Variants in BCL11A observed in about 807,000 individuals in gnomAD.
The protein encoded by BCL11A is B cell CLL/lymphoma 11A.
A neutral mutation model predicts 55.9 loss-of-function variants in BCL11A; 2 were observed. The ratio of observed to expected loss-of-function variants is 0.04; its 90% CI spans 0.01 to 0.11. The LOEUF (loss-of-function observed/expected upper bound fraction) is 0.11. Ranked by LOEUF, BCL11A falls within the 10% of genes least tolerant of loss-of-function variation. The pLI is 1.00. For missense variants in BCL11A, 817 were observed against 1,137.1 expected (o/e 0.72, Z 4.05); for synonymous variants, 465 against 473.4 (o/e 0.98, Z 0.23).
intron 2 of BCL11A, among the ~76,000 whole-genome samples, chr2:60,493,674 T>G (rs942951499): frequency 3.3e-5 from 5 of 152,194 alleles, no homozygotes; most frequent in African/African-American, 1.2e-4. Context: ...TGGACTTAGT[T>G]GACCTCCCCC....
intron 2 of BCL11A, among the ~76,000 whole-genome samples, chr2:60,520,430 C>G (rs1668926373): frequency 6.6e-6 from 1 of 152,072 alleles, no homozygotes; most frequent in Non-Finnish European, 1.5e-5. Flanking sequence ...GTCTGAGGAC[C>G]TGAAATCAAG....
chr2:60,461,465 C>A lies in BCL11A; in HGVS notation c.1447G>T (p.Gly483Trp), dbSNP rs761062372. Residue 483 changes from glycine (G) to tryptophan (W), a missense_variant, in exon 4 of 4, where the codon GGG (glycine) becomes TGG (tryptophan). By Grantham distance (184) the Gly-to-Trp change is radical. Coordinates refer to ENST00000642384, the MANE Select transcript of BCL11A (RefSeq NM_022893.4). The part of the protein sequence containing the change: ...ENDPNLIPEN[G>W]DEEEEEDDEE... ...TCGTCCTCCTCTTCCTCCTCGTCCCCGTTCTCCGGGATCAGGTTGGGGTCG... is the reference window on the plus strand; with the variant it reads ...TCGTCCTCCTCTTCCTCCTCGTCCCAGTTCTCCGGGATCAGGTTGGGGTCG... The A allele has an allele frequency of 6.2e-7, 1 of 1,604,486 alleles. No individual in the cohort carries two copies. The highest frequency in any genetic ancestry group is 8.5e-7 in the Non-Finnish European group (1 of 1,179,626).
Position 60,460,069 on chromosome 2 carries a change from A to G in BCL11A, c.*335T>C. On this transcript the variant is annotated 3_prime_UTR_variant, in exon 4 of 4. Transcript: ENST00000642384. ...CTAAGTTTAAAAAAAAACATACACA[A>G]CATGTAAATTATTGCACAAGAGAAA... 1.8e-6 allele frequency: 2 copies of G among 1,098,060 alleles called. No homozygotes were observed. 68.0% of individuals were successfully genotyped at this position (1,098,060 alleles called of 1,614,324 possible).
At chr2:60,504,769 G>C (rs1001411360) in intron 2 of BCL11A, among the ~76,000 whole-genome samples, 2 of 152,118 alleles carry the variant, frequency 1.3e-5, no homozygotes, top group African/African-American at 4.8e-5. Context: ...ATTATATAGA[G>C]AGGTGGAATA....
intron 2 of BCL11A, among the ~76,000 whole-genome samples, chr2:60,473,963 G>C (rs1038659453): frequency 6.6e-6 from 1 of 152,100 alleles, no homozygotes; most frequent in African/African-American, 2.4e-5. Flanking sequence ...AAAAACAAAA[G>C]AAAGCAATAA....
At chr2:60,493,715 T>A (rs1678783663) in intron 2 of BCL11A, among the ~76,000 whole-genome samples, 1 of 152,166 alleles carries the variant, frequency 6.6e-6, no homozygotes, top group South Asian at 2.1e-4. Context: ...AGGAGATGAC[T>A]TCTACCTTGC....
At chr2:60,530,555 C>A (rs1270573014) in intron 2 of BCL11A, among the ~76,000 whole-genome samples, 3 of 151,724 alleles carry the variant, frequency 2.0e-5, no homozygotes, top group African/African-American at 7.3e-5. Flanking sequence ...AAAAGACTGG[C>A]CTCAACTGGT....
chr2:60,488,077 C>G (rs1050243617), intron 2 of BCL11A, among the ~76,000 whole-genome samples: 1 of 152,228 alleles, frequency 6.6e-6, no homozygotes, highest in African/African-American at 2.4e-5. Context: ...GTTTTAAAAA[C>G]ACAGTAACAC....
intron 2 of BCL11A, among the ~76,000 whole-genome samples, chr2:60,498,541 A>C (rs1679087175): frequency 2.0e-5 from 3 of 152,234 alleles, no homozygotes; most frequent in Admixed American, 1.3e-4. Flanking sequence ...TTCCCTTCCT[A>C]GAATTGGCCT....
At chr2:60,452,896 ACCCAGGTCCCCCCACCCCTG>A (rs942086284), downstream of BCL11A, 4 of 462,914 alleles carry the variant, frequency 8.6e-6, no homozygotes, top group Non-Finnish European at 1.2e-5. Flanking sequence ...CCCAAGGAGG[ACCCAGGTCCCCCCACCCCTG>A]CCCAATTGTA....
intron 2 of BCL11A, among the ~76,000 whole-genome samples, chr2:60,495,225 C>T (rs1481153852): frequency 6.6e-6 from 1 of 152,174 alleles, no homozygotes; most frequent in Admixed American, 6.5e-5. Context: ...CCCACCCACG[C>T]CCCCACCCTA....
intron 3 of BCL11A, among the ~76,000 whole-genome samples, chr2:60,466,927 C>T (rs919352704): frequency 3.3e-5 from 5 of 152,168 alleles, no homozygotes; most frequent in African/African-American, 4.8e-5. Context: ...ATGATTCATA[C>T]CATGTGTTCC....
intron 3 of BCL11A, among the ~76,000 whole-genome samples, chr2:60,466,013 C>T (rs559618561): frequency 4.1e-4 from 62 of 152,256 alleles, no homozygotes; most frequent in Middle Eastern, 3.4e-3. Context: ...TTAATGCCGC[C>T]AAGTGGAATG....
At chr2:60,544,895 C>T (rs144727226) in intron 2 of BCL11A, 2 of 152,322 alleles carry the variant, frequency 1.3e-5, no homozygotes, top group African/African-American at 4.8e-5. Flanking sequence ...TACTGTTTAT[C>T]ACTTAGAGAA....
At chr2:60,511,926 T>A (rs6545819) in intron 2 of BCL11A, among the ~76,000 whole-genome samples, 64,499 of 152,024 alleles carry the variant, frequency 0.42, 15,012 homozygotes, top group African/African-American at 0.59. Context: ...GCCCAGGCAC[T>A]CTCACTAAGG....
Position 60,461,305 on chromosome 2 carries a change from A to C in BCL11A, c.1607T>G (p.Val536Gly). Residue 536 changes from valine to glycine, a missense_variant, in exon 4 of 4, where the codon GTG becomes GGG. Coordinates refer to ENST00000642384, the MANE Select transcript of BCL11A (RefSeq NM_022893.4). The stretch of plus-strand genomic sequence containing the variant: ...GGGCAGGGCGCGGCTCTCGTCGCCC[A>C]CGCCCACGACCGCGCCCCGCGAGCT... ...ENSSRGAVVG[V>G]GDESRALPDV... 1 of 1,581,794 alleles carries C rather than the reference A, an allele frequency of 6.3e-7. No individual in the cohort carries two copies.
intron 2 of BCL11A, among the ~76,000 whole-genome samples, chr2:60,505,809 A>C (rs1573023757): frequency 6.6e-6 from 1 of 152,300 alleles, no homozygotes; most frequent in Non-Finnish European, 1.5e-5. Flanking sequence ...TTAAATGGGA[A>C]GGGCCAATTA....
intron 3 of BCL11A, among the ~76,000 whole-genome samples, chr2:60,467,159 G>GTAGTGA (rs1257288129): frequency 3.9e-5 from 5 of 128,680 alleles, no homozygotes; most frequent in Admixed American, 7.7e-5. Context: ...GGTGGTGGTG[G>GTAGTGA]TGGTGGTGAT....
intron 2 of BCL11A, among the ~76,000 whole-genome samples, chr2:60,490,739 T>C (rs1279407439): frequency 1.3e-5 from 2 of 152,224 alleles, no homozygotes; most frequent in Non-Finnish European, 2.9e-5. Context: ...TACTTGCTTC[T>C]ATTATATTTG....
Sources: allele counts gnomAD v4.1 joint callset (sites outside exome capture counted in the v4.1 genomes callset), GRCh38; gene constraint gnomAD v4.1.1; transcripts MANE v1.5; gene names NCBI Gene and HGNC (gene_info 2026-07-23, HGNC 2026-07-21).